Variants in NALCN observed in about 807,000 individuals in gnomAD.
The protein encoded by NALCN is sodium leak channel, non-selective.
In NALCN, 111 loss-of-function variants were observed where a neutral mutation model predicts 225.3. The ratio of observed to expected loss-of-function variants is 0.49; its 90% CI spans 0.42 to 0.58. The LOEUF is 0.58. Ranked by LOEUF, NALCN falls within the 20% of genes least tolerant of loss-of-function variation. The pLI, the probability that NALCN is intolerant of heterozygous loss-of-function variation, is 0.00. For missense variants in NALCN, 1,378 were observed against 2,202.4 expected, an observed-to-expected ratio of 0.63 and a Z score of 7.49; for synonymous variants, 764 against 769.0, an observed-to-expected ratio of 0.99 and a Z score of 0.11.
chr13:101,210,158 TA>T (rs2040467518), intron 13 of NALCN, among the ~76,000 whole-genome samples: 3 of 152,136 alleles, frequency 2.0e-5, no homozygotes, highest in African/African-American at 7.2e-5. Context: ...TCCATTTGCT[TA>T]GAGGGGGTCC....
chr13:101,067,930 A>G lies in NALCN; in HGVS notation c.4434T>C (p.Asp1478=). 1 of 1,610,580 alleles carries G rather than the reference A, an allele frequency of 6.2e-7. No individual in the cohort carries two copies. The highest frequency in any genetic ancestry group is 1.1e-5 in the South Asian group (1 of 90,708). Residue 1478 remains aspartate, a synonymous_variant, in exon 39 of 44, where the codon GAT becomes GAC. Transcript: ENST00000251127. ...CCCACTCCCATACCTCTCTTTTATC[A>G]TCCACCATGTTCCATATTATTTGAA... The part of the protein sequence containing the change: ...RHFQIIWNMV[D]DKREGVIPTF...
At chr13:101,180,387 T>G (rs1760235) in intron 14 of NALCN, 56,456 of 145,252 alleles carry the variant, frequency 0.39, 12,553 homozygotes, top group East Asian at 0.67. Flanking sequence ...TTTTTTTTTT[T>G]TATTTTTTGT....
intron 7 of NALCN, among the ~76,000 whole-genome samples, chr13:101,316,642 C>T (rs1198960370): frequency 6.6e-6 from 1 of 152,150 alleles, no homozygotes; most frequent in Non-Finnish European, 1.5e-5. Flanking sequence ...CACTCTGATT[C>T]CCTGTCAAGA....
intron 6 of NALCN, chr13:101,373,091 T>C (rs998577345): frequency 8.8e-5 from 34 of 388,536 alleles, no homozygotes; most frequent in African/African-American, 6.2e-4. Context: ...TAAAAATAGG[T>C]AAGCTCTTTG....
intron 2 of NALCN, among the ~76,000 whole-genome samples, chr13:101,397,065 A>ATTTT (rs202082788): frequency 1.7e-4 from 12 of 68,574 alleles, no homozygotes; most frequent in African/African-American, 6.5e-4. Flanking sequence ...CTATGAATGT[A>ATTTT]TTATATATAT....
chr13:101,400,575 GTGTGTGCA>G (rs1286877146), intron 1 of NALCN, among the ~76,000 whole-genome samples: 16 of 122,080 alleles, frequency 1.3e-4, no homozygotes, highest in African/African-American at 7.3e-4. Flanking sequence ...GTGTGTGTGT[GTGTGTGCA>G]CGTGTGTGCG....
At chr13:101,284,921 G>C in intron 9 of NALCN, among the ~76,000 whole-genome samples, 1 of 152,248 alleles carries the variant, frequency 6.6e-6, no homozygotes, top group Middle Eastern at 3.4e-3. Context: ...TCTTAGGAGC[G>C]AGTGTGTGTG....
intron 3 of NALCN, among the ~76,000 whole-genome samples, chr13:101,391,503 C>G (rs970679684): frequency 4.0e-5 from 6 of 150,636 alleles, no homozygotes. Context: ...GGCAACATAG[C>G]AAGACCCTGT....
intron 2 of NALCN, among the ~76,000 whole-genome samples, chr13:101,397,136 T>C (rs116274629): frequency 0.018 from 2,517 of 140,198 alleles, 104 homozygotes; most frequent in African/African-American, 0.063. Flanking sequence ...ATATAATGTG[T>C]GCATATACAC....
intron 6 of NALCN, among the ~76,000 whole-genome samples, chr13:101,357,672 T>G (rs141410274): frequency 0.032 from 4,905 of 152,116 alleles, 270 homozygotes; most frequent in African/African-American, 0.11. Context: ...TTCACAGAAT[T>G]AGAAAAAAAC....
intron 7 of NALCN, among the ~76,000 whole-genome samples, chr13:101,340,673 T>G (rs1014379412): frequency 1.3e-5 from 2 of 152,208 alleles, no homozygotes; most frequent in African/African-American, 4.8e-5. Flanking sequence ...AGTCATGATC[T>G]AAACCCCAGG....
intron 9 of NALCN, among the ~76,000 whole-genome samples, chr13:101,287,033 A>C (rs2043364463): frequency 6.6e-6 from 1 of 152,168 alleles, no homozygotes; most frequent in South Asian, 2.1e-4. Context: ...TCGATAACTT[A>C]TTGCTAGAGA....
At chr13:101,328,429 A>G (rs2139223370) in intron 7 of NALCN, among the ~76,000 whole-genome samples, 1 of 152,162 alleles carries the variant, frequency 6.6e-6, no homozygotes, top group Non-Finnish European at 1.5e-5. Context: ...CTCCCACCTC[A>G]GCCTCCCAAG....
At chr13:101,258,617 C>T (rs2042319171) in intron 10 of NALCN, 43 bp from the exon 11 acceptor site, 1 of 1,612,472 alleles carries the variant, frequency 6.2e-7, no homozygotes, top group Non-Finnish European at 8.5e-7. Flanking sequence ...AGAAATAAAC[C>T]TCATGATTAA....
rs977821374 is a variant in NALCN at position 101,208,183 on chromosome 13, C to T, written c.1627-16129G>A. 1.3e-4 allele frequency among the ~76,000 whole-genome samples: 20 copies of T among 152,032 alleles called. 1 individual carries two copies. The highest frequency in any genetic ancestry group is 5.8e-4 in the East Asian group (3 of 5,152). On this transcript the variant is annotated intron_variant, in intron 13 of 43. Coordinates refer to ENST00000251127, the MANE Select transcript of NALCN (RefSeq NM_052867.4). ...TTCACTCCTGAAGCCAGCAAGACCA[C>T]GAACCCACCAGGAGGGACAAAGAAC...
rs149685862 is a variant in NALCN, at chr13:101,293,622, T to C, written c.800-1256A>G. On this transcript the variant is annotated intron_variant, in intron 7 of 43. Coordinates refer to ENST00000251127, the MANE Select transcript of NALCN (RefSeq NM_052867.4). ...CCAAGTATCCAAACAAAGAGGAGAG[T>C]TGCACAGGTTGGGGCAGCCTCACTG... Among the ~76,000 whole-genome samples the C allele has an allele frequency of 4.0e-3, 605 of 151,818 alleles. 2 individuals carry two copies. The highest frequency in any genetic ancestry group is 0.014 in the African/African-American group (574 of 41,410).
chr13:101,224,924 C>T (rs970750340), intron 13 of NALCN, among the ~76,000 whole-genome samples: 5 of 152,118 alleles, frequency 3.3e-5, no homozygotes, highest in Admixed American at 6.5e-5. Flanking sequence ...TTGTTAAACA[C>T]CCCTCTGACC....
rs1594567738 is a variant in NALCN at position 101,268,658 on chromosome 13, C to T, written c.1135-10084G>A. On this transcript the variant is annotated intron_variant, in intron 10 of 43. Coordinates refer to ENST00000251127, the MANE Select transcript of NALCN (RefSeq NM_052867.4). Reference sequence around the variant, plus strand: ...GGAGCACACAAAAGCCATTTCTGGGCATTGGGATACTGCCACTAAGACTAC... The same window carrying T: ...GGAGCACACAAAAGCCATTTCTGGGTATTGGGATACTGCCACTAAGACTAC... Among the ~76,000 whole-genome samples the T allele has an allele frequency of 2.0e-5, 3 of 152,248 alleles. No homozygotes were observed. In the East Asian group the frequency reaches 5.8e-4, roughly 29 times the overall value.
intron 13 of NALCN, among the ~76,000 whole-genome samples, chr13:101,224,141 A>C (rs2041049508): frequency 6.6e-6 from 1 of 151,684 alleles, no homozygotes. Flanking sequence ...CAAATCTAAA[A>C]CCCCTTCAGC....
Sources: gnomAD v4.1 joint callset for allele counts (sites outside exome capture counted in the v4.1 genomes callset) on GRCh38, gnomAD v4.1.1 for gene constraint, MANE v1.5 for transcripts, NCBI Gene and HGNC (gene_info 2026-07-23, HGNC 2026-07-21) for gene names.